The following KIT variants were observed in gnomAD, a reference collection of about 807,000 sequenced individuals.
KIT encodes the protein KIT proto-oncogene, receptor tyrosine kinase, also known as mast/stem cell growth factor receptor Kit.
A neutral mutation model predicts 105.7 loss-of-function variants in KIT; 16 were observed. The observed-to-expected ratio is 0.15, with a 90% CI of 0.10 to 0.23. The LOEUF (loss-of-function observed/expected upper bound fraction) is 0.23, where lower values mean the gene tolerates loss of function less well. Ranked by LOEUF, KIT falls within the 10% of genes least tolerant of loss-of-function variation. The pLI is 1.00. For missense variants in KIT, 858 were observed against 1,213.8 expected, an observed-to-expected ratio of 0.71 and a Z score of 4.36; for synonymous variants, 438 against 441.1, an observed-to-expected ratio of 0.99 and a Z score of 0.09.
At chr4:54,723,987 A>G (rs1003782137) in intron 8 of KIT, among the ~76,000 whole-genome samples, 1 of 152,216 alleles carries the variant, frequency 6.6e-6, no homozygotes, top group African/African-American at 2.4e-5. Flanking sequence ...TTTGCAGGAC[A>G]GAGTAATTAG....
At chr4:54,722,672 A>G (rs1177855469) in intron 7 of KIT, among the ~76,000 whole-genome samples, 3 of 152,058 alleles carry the variant, frequency 2.0e-5, no homozygotes, top group Admixed American at 6.6e-5. Context: ...ACCACCGAGT[A>G]TAAGTGCATC....
At chr4:54,731,503 C>G in intron 15 of KIT, 84 bp downstream of exon 15, 1 of 969,390 alleles carries the variant, frequency 1.0e-6, no homozygotes, top group Non-Finnish European at 1.7e-6. Context: ...ACATCATTCC[C>G]AGTAGCAATG....
At chr4:54,703,189 T>C (rs1720561460) in intron 4 of KIT, among the ~76,000 whole-genome samples, 1 of 152,200 alleles carries the variant, frequency 6.6e-6, no homozygotes, top group Non-Finnish European at 1.5e-5. Context: ...TGGAACTCCC[T>C]TCAGTAGTTT....
At chr4:54,722,760 C>T (rs965712207) in intron 7 of KIT, among the ~76,000 whole-genome samples, 1 of 149,074 alleles carries the variant, frequency 6.7e-6, no homozygotes, top group African/African-American at 2.5e-5. Flanking sequence ...CATAGAAATA[C>T]CAAATTAGAG....
intron 9 of KIT, among the ~76,000 whole-genome samples, chr4:54,726,750 G>C (rs929100633): frequency 6.6e-6 from 1 of 151,154 alleles, no homozygotes; most frequent in Non-Finnish European, 1.5e-5. Flanking sequence ...ATGTTTTTCA[G>C]ACAGGGCAAC....
chr4:54,737,559 C>T (rs1003686619), intron 20 of KIT, among the ~76,000 whole-genome samples: 1 of 152,208 alleles, frequency 6.6e-6, no homozygotes, highest in Non-Finnish European at 1.5e-5. Flanking sequence ...TGCCATGTTT[C>T]CTCCCTCATC....
At chr4:54,712,542 C>G (rs1205084648) in intron 7 of KIT, among the ~76,000 whole-genome samples, 1 of 152,122 alleles carries the variant, frequency 6.6e-6, no homozygotes, top group Non-Finnish European at 1.5e-5. Context: ...AGTGTGTGGT[C>G]TGCCAGTTGG....
intron 1 of KIT, among the ~76,000 whole-genome samples, chr4:54,688,816 G>A (rs992276097): frequency 2.0e-5 from 3 of 152,044 alleles, no homozygotes; most frequent in South Asian, 2.1e-4. Context: ...GAACTACAAC[G>A]CACAGGCTCT....
At chr4:54,727,085 T>C (rs1722267685) in intron 9 of KIT, 133 bp from the exon 10 acceptor site, 20 of 785,848 alleles carry the variant, frequency 2.5e-5, no homozygotes, top group South Asian at 2.5e-4. Flanking sequence ...AAGGTGAAGC[T>C]CTGAGACTCA....
At position 54,666,848 on chromosome 4, in the gene KIT, C is replaced by G. The variant is rs1244578999; in HGVS notation, c.67+8767C>G. Among the ~76,000 whole-genome samples, 3 of 152,300 alleles carry G rather than the reference C, an allele frequency of 2.0e-5. 1 individual carries two copies. Among genetic ancestry groups the G allele is most frequent in the African/African-American group, 7.2e-5 (3 of 41,554 alleles). On this transcript the variant is annotated intron_variant, in intron 1 of 20. Coordinates refer to ENST00000288135, the MANE Select transcript of KIT (RefSeq NM_000222.3). Reference sequence around the variant, plus strand: ...GAGTTTCTCATAAATGCTGAATAGACTCTAACATAATCCACTACTATAGTC... The same window carrying G: ...GAGTTTCTCATAAATGCTGAATAGAGTCTAACATAATCCACTACTATAGTC...
chr4:54,681,189 C>T (rs182922999), intron 1 of KIT, among the ~76,000 whole-genome samples: 48 of 150,156 alleles, frequency 3.2e-4, no homozygotes, highest in African/African-American at 1.1e-3. Flanking sequence ...TATTGGATTC[C>T]AATCCTTAGT....
chr4:54,687,895 G>A (rs1035059840), intron 1 of KIT, among the ~76,000 whole-genome samples: 2 of 152,116 alleles, frequency 1.3e-5, no homozygotes, highest in Non-Finnish European at 2.9e-5. Flanking sequence ...TTAGCATTAT[G>A]TCTTTGTCTG....
chr4:54,708,441 T>C (rs1720924954), intron 6 of KIT, among the ~76,000 whole-genome samples: 1 of 152,026 alleles, frequency 6.6e-6, no homozygotes, highest in African/African-American at 2.4e-5. Flanking sequence ...GCCTCAGTCT[T>C]ATCCAGGAGC....
At chr4:54,704,209 G>C (rs560138745) in intron 5 of KIT, among the ~76,000 whole-genome samples, 1 of 152,312 alleles carries the variant, frequency 6.6e-6, no homozygotes, top group South Asian at 2.1e-4. Context: ...TGAATGACTT[G>C]AGTTTGGAAA....
At chr4:54,717,573 G>GCA (rs1205161363) in intron 7 of KIT, among the ~76,000 whole-genome samples, 1 of 152,162 alleles carries the variant, frequency 6.6e-6, no homozygotes, top group Non-Finnish European at 1.5e-5. Flanking sequence ...TTCGCTAAAA[G>GCA]CAGTGAGTGG....
chr4:54,680,645 G>A lies in KIT; in HGVS notation c.68-14867G>A, dbSNP rs180850410. Among the ~76,000 whole-genome samples, 314 of 151,970 alleles carry A rather than the reference G, an allele frequency of 2.1e-3. 2 individuals carry two copies. Among genetic ancestry groups the A allele is most frequent in the African/African-American group, 7.1e-3 (293 of 41,450 alleles). ...TGACCTCAGGTGATCCACATGCCCCGGCCTCCCAAAGTGCTGGGATTACAG... is the reference window on the plus strand; with the variant it reads ...TGACCTCAGGTGATCCACATGCCCCAGCCTCCCAAAGTGCTGGGATTACAG... On this transcript the variant is annotated intron_variant, in intron 1 of 20. Transcript: ENST00000288135.
intron 1 of KIT, among the ~76,000 whole-genome samples, chr4:54,668,103 T>G (rs1196769737): frequency 6.6e-6 from 1 of 152,238 alleles, no homozygotes; most frequent in African/African-American, 2.4e-5. Flanking sequence ...CTGCAAACCT[T>G]GATAAGGAGC....
Position 54,713,261 on chromosome 4 carries a change from C to A in KIT, c.1231+3722C>A, listed in dbSNP as rs554727877. Among the ~76,000 whole-genome samples, 193 of 152,194 alleles carry A rather than the reference C, an allele frequency of 1.3e-3. 1 individual carries two copies. The highest frequency in any genetic ancestry group is 4.5e-3 in the African/African-American group (186 of 41,516). On this transcript the variant is annotated intron_variant, in intron 7 of 20. Transcript: ENST00000288135. ...TGTATAGTCTTTATCCCTCACCCCCCTCCCACCCTTCTTCCTAGGTCCCCA... is the reference window on the plus strand; with the variant it reads ...TGTATAGTCTTTATCCCTCACCCCCATCCCACCCTTCTTCCTAGGTCCCCA...
intron 1 of KIT, among the ~76,000 whole-genome samples, chr4:54,659,855 C>G (rs1294717113): frequency 6.6e-6 from 1 of 152,024 alleles, no homozygotes; most frequent in Non-Finnish European, 1.5e-5. Context: ...AGATTTTTGG[C>G]AAAGGGAATT....
Sources: allele counts gnomAD v4.1 joint callset (sites outside exome capture counted in the v4.1 genomes callset), GRCh38; gene constraint gnomAD v4.1.1; transcripts MANE v1.5; gene names NCBI Gene and HGNC (gene_info 2026-07-23, HGNC 2026-07-21).